TENM3: variants seen among roughly 807,000 people sequenced by gnomAD.
The protein encoded by TENM3 is teneurin transmembrane protein 3, also known as teneurin-3.
In TENM3, 63 loss-of-function variants were observed where a neutral mutation model predicts 255.1. That is an observed-to-expected ratio of 0.25 (90% confidence interval 0.20 to 0.30). The LOEUF (loss-of-function observed/expected upper bound fraction) is 0.30. Among genes scored for constraint, TENM3 ranks in the 10% least tolerant of loss-of-function variants. TENM3 has a pLI of 1.00. For missense variants in TENM3, 2,929 were observed against 3,461.1 expected (o/e 0.85, Z 3.86); for synonymous variants, 1,306 against 1,322.3 (o/e 0.99, Z 0.27).
chr4:181,642,593 T>C, the TENM3 span, among the ~76,000 whole-genome samples: 1 of 152,222 alleles, frequency 6.6e-6, no homozygotes, highest in Non-Finnish European at 1.5e-5. Context: ...CTAGGATTTT[T>C]ATGGTTTTAG....
chr4:182,333,852 G>GAA (rs1363605774), intron 2 of TENM3, among the ~76,000 whole-genome samples: 4 of 152,152 alleles, frequency 2.6e-5, no homozygotes, highest in Non-Finnish European at 4.4e-5. Flanking sequence ...AATTTGAAGT[G>GAA]AATTTGGTAT....
chr4:181,609,530 C>T, the TENM3 span, among the ~76,000 whole-genome samples: 3 of 152,200 alleles, frequency 2.0e-5, no homozygotes, highest in African/African-American at 7.2e-5. Flanking sequence ...CCCCATGAGC[C>T]TGATTCAATT....
At chr4:182,742,440 A>G (rs974886797) in intron 18 of TENM3, among the ~76,000 whole-genome samples, 1 of 152,202 alleles carries the variant, frequency 6.6e-6, no homozygotes, top group Non-Finnish European at 1.5e-5. Flanking sequence ...CCGCATGTAT[A>G]TGCATTCTCC....
At chr4:181,598,128 C>T in the TENM3 span, among the ~76,000 whole-genome samples, 39 of 152,286 alleles carry the variant, frequency 2.6e-4, 2 homozygotes, top group African/African-American at 8.9e-4. Context: ...GCTAATTTCA[C>T]GTGCTAAGCA....
intron 6 of TENM3, among the ~76,000 whole-genome samples, chr4:182,665,383 A>ACCT (rs1212259654): frequency 6.6e-6 from 1 of 152,188 alleles, no homozygotes; most frequent in Non-Finnish European, 1.5e-5. Context: ...TTGACAATGT[A>ACCT]CCTAGTCCCC....
Position 182,800,340 on chromosome 4 carries a change from G to T in TENM3, c.8089G>T (p.Gly2697Cys). 6.3e-7 allele frequency: 1 copy of T among 1,579,650 alleles called. No individual in the cohort carries two copies. Among genetic ancestry groups the T allele is most frequent in the Non-Finnish European group, 8.5e-7 (1 of 1,171,548 alleles). ...CCAGTTCCTGCGGCAGAGCGAGATC[G>T]GCAGGAGGTAACGCCCGGGCCGCGC... ...NIQFLRQSEI[G>C]RR Residue 2697 changes from glycine (G) to cysteine (C), a missense_variant, in exon 28 of 28, where the codon GGC becomes TGC. Gly to Cys is a radical substitution (Grantham distance 159). Coordinates refer to ENST00000511685, the MANE Select transcript of TENM3 (RefSeq NM_001080477.4).
At chr4:182,201,723 AACAAAAT>A (rs1754197760) in intron 1 of TENM3, among the ~76,000 whole-genome samples, 1 of 152,132 alleles carries the variant, frequency 6.6e-6, no homozygotes, top group Non-Finnish European at 1.5e-5. Flanking sequence ...TTAGGTTAGA[AACAAAAT>A]ACACATAGCA....
At chr4:182,384,311 G>GTTT (rs10638816) in intron 3 of TENM3, among the ~76,000 whole-genome samples, 2,310 of 147,712 alleles carry the variant, frequency 0.016, 26 homozygotes, top group African/African-American at 0.031. Flanking sequence ...CTGTGGTTCA[G>GTTT]TTTTTTTTTT....
At chr4:181,594,055 A>C in the TENM3 span, among the ~76,000 whole-genome samples, 13,400 of 151,842 alleles carry the variant, frequency 0.088, 730 homozygotes, top group Middle Eastern at 0.14. Context: ...AGATCAGTGA[A>C]TACAGAAGTG....
At chr4:181,742,046 G>T in the TENM3 span, among the ~76,000 whole-genome samples, 2 of 152,040 alleles carry the variant, frequency 1.3e-5, no homozygotes, top group Non-Finnish European at 1.5e-5. Context: ...AATTGACATA[G>T]TTCTTCAGAT....
intron 3 of TENM3, among the ~76,000 whole-genome samples, chr4:182,449,318 A>G (rs1282669432): frequency 6.6e-6 from 1 of 150,672 alleles, no homozygotes; most frequent in Non-Finnish European, 1.5e-5. Context: ...ATCTGAGATG[A>G]GGTGGCTTTT....
intron 3 of TENM3, among the ~76,000 whole-genome samples, chr4:182,363,417 A>G (rs538293832): frequency 8.5e-4 from 129 of 151,916 alleles, no homozygotes; most frequent in African/African-American, 2.8e-3. Flanking sequence ...TCATATATGT[A>G]CATATATACA....
At chr4:181,961,545 G>A in the TENM3 span, among the ~76,000 whole-genome samples, 289 of 152,034 alleles carry the variant, frequency 1.9e-3, 3 homozygotes, top group African/African-American at 6.6e-3. Context: ...TCAGCCTCCC[G>A]AGTAGCTGGG....
chr4:181,817,492 T>A, the TENM3 span, among the ~76,000 whole-genome samples: 1 of 152,204 alleles, frequency 6.6e-6, no homozygotes, highest in Non-Finnish European at 1.5e-5. Flanking sequence ...CTGTGCTTTT[T>A]AACCCACACC....
At chr4:182,781,233 C>G (rs1579481769) in intron 24 of TENM3, among the ~76,000 whole-genome samples, 2 of 149,374 alleles carry the variant, frequency 1.3e-5, no homozygotes, top group Non-Finnish European at 3.0e-5. Flanking sequence ...TACGTCCCAT[C>G]AATACCTAAT....
intron 6 of TENM3, among the ~76,000 whole-genome samples, chr4:182,655,579 C>T (rs77945610): frequency 0.014 from 2,115 of 152,254 alleles, 55 homozygotes; most frequent in African/African-American, 0.046. Context: ...CGCTCTTTCG[C>T]CTGTTTACTT....
the TENM3 span, among the ~76,000 whole-genome samples, chr4:181,984,704 G>A: frequency 2.0e-4 from 31 of 151,852 alleles, 1 homozygote; most frequent in Admixed American, 2.0e-3. Context: ...GAATTACTGT[G>A]ACATTAATGT....
At chr4:182,685,196 C>T (rs1490338579) in intron 11 of TENM3, among the ~76,000 whole-genome samples, 1 of 152,082 alleles carries the variant, frequency 6.6e-6, no homozygotes, top group Non-Finnish European at 1.5e-5. Flanking sequence ...CCTTCCCTCC[C>T]TCTCTTATCT....
intron 1 of TENM3, among the ~76,000 whole-genome samples, chr4:182,160,477 T>C (rs1751065894): frequency 6.6e-6 from 1 of 152,212 alleles, no homozygotes; most frequent in South Asian, 2.1e-4. Flanking sequence ...ATTTATTGAG[T>C]AGAAAAAATT....
Sources: gnomAD v4.1 joint callset for allele counts (sites outside exome capture counted in the v4.1 genomes callset) on GRCh38, gnomAD v4.1.1 for gene constraint, MANE v1.5 for transcripts, NCBI Gene and HGNC (gene_info 2026-07-23, HGNC 2026-07-21) for gene names.